TFEC: variants seen among roughly 807,000 people sequenced by gnomAD.
The protein encoded by TFEC is class E basic helix-loop-helix protein 34.
In TFEC, 31 loss-of-function variants were observed where a neutral mutation model predicts 41.6. That is an observed-to-expected ratio of 0.74 (90% confidence interval 0.56 to 1.01). The LOEUF (loss-of-function observed/expected upper bound fraction) is 1.01. TFEC is among the 50% of genes least tolerant of loss of function. The pLI is 0.00. For missense variants in TFEC, 402 were observed against 404.1 expected, an observed-to-expected ratio of 0.99 and a Z score of 0.04; for synonymous variants, 143 against 140.6, an observed-to-expected ratio of 1.02 and a Z score of -0.12.
At chr7:116,106,120 T>C (rs1797711491) in intron 3 of TFEC, among the ~76,000 whole-genome samples, 1 of 152,158 alleles carries the variant, frequency 6.6e-6, no homozygotes, top group Non-Finnish European at 1.5e-5. Flanking sequence ...ACATATGACG[T>C]TGCTTAGAAA....
intron 3 of TFEC, among the ~76,000 whole-genome samples, chr7:116,060,324 A>C (rs553860898): frequency 6.6e-6 from 1 of 151,216 alleles, no homozygotes; most frequent in East Asian, 1.9e-4. Context: ...AAGGACTAAA[A>C]GCAGAACTAC....
At chr7:116,109,732 C>T (rs1189285291) in intron 3 of TFEC, among the ~76,000 whole-genome samples, 1 of 152,136 alleles carries the variant, frequency 6.6e-6, no homozygotes, top group Non-Finnish European at 1.5e-5. Context: ...TGGGTATATA[C>T]CCAAAGGATT....
At chr7:116,158,974 TAAGC>T (rs1798922881) in intron 1 of TFEC, among the ~76,000 whole-genome samples, 1 of 151,986 alleles carries the variant, frequency 6.6e-6, no homozygotes, top group Admixed American at 6.6e-5. Context: ...TTGTCATGCT[TAAGC>T]AATAATGAAA....
intron 1 of TFEC, among the ~76,000 whole-genome samples, chr7:116,006,444 G>A (rs1794792862): frequency 6.6e-6 from 1 of 152,142 alleles, no homozygotes; most frequent in African/African-American, 2.4e-5. Flanking sequence ...TTTAAGATTT[G>A]ACTGCCCTGC....
At chr7:116,016,684 A>C (rs182652636) in intron 1 of TFEC, among the ~76,000 whole-genome samples, 3 of 151,928 alleles carry the variant, frequency 2.0e-5, no homozygotes, top group African/African-American at 7.2e-5. Flanking sequence ...TACGTAGTAT[A>C]TATAATATAT....
chr7:116,112,302 G>A (rs117969441), intron 1 of TFEC, among the ~76,000 whole-genome samples: 1,674 of 152,052 alleles, frequency 0.011, 7 homozygotes, highest in Middle Eastern at 0.017. Context: ...TTATTTCAAA[G>A]TAGGGTAAGA....
intron 1 of TFEC, among the ~76,000 whole-genome samples, chr7:116,153,073 G>T (rs1449160397): frequency 6.6e-6 from 1 of 152,120 alleles, no homozygotes; most frequent in Non-Finnish European, 1.5e-5. Context: ...AGTTATAGAG[G>T]AAGAAAGTAC....
chr7:116,135,796 G>C (rs1277949873), intron 1 of TFEC, among the ~76,000 whole-genome samples: 2 of 152,038 alleles, frequency 1.3e-5, no homozygotes, highest in Non-Finnish European at 2.9e-5. Context: ...CATAAAAGCA[G>C]AGATGAGGGC....
At chr7:116,068,058 A>T (rs948128334) in intron 3 of TFEC, among the ~76,000 whole-genome samples, 9 of 151,872 alleles carry the variant, frequency 5.9e-5, no homozygotes, top group African/African-American at 2.2e-4. Context: ...CCATTTGGGA[A>T]TTTTTTTCTT....
intron 3 of TFEC, among the ~76,000 whole-genome samples, chr7:116,081,217 GA>G (rs1797082226): frequency 6.6e-6 from 1 of 151,780 alleles, no homozygotes; most frequent in African/African-American, 2.4e-5. Flanking sequence ...GAACTCTGGG[GA>G]AAAGGTGGGA....
At chr7:116,047,660 C>A (rs965020554) in intron 3 of TFEC, among the ~76,000 whole-genome samples, 1 of 152,164 alleles carries the variant, frequency 6.6e-6, no homozygotes, top group African/African-American at 2.4e-5. Flanking sequence ...TAGTGGTTCT[C>A]CCAGCACAGA....
chr7:116,109,884 A>G (rs1477604616), intron 3 of TFEC, among the ~76,000 whole-genome samples: 1 of 152,234 alleles, frequency 6.6e-6, no homozygotes, highest in Non-Finnish European at 1.5e-5. Flanking sequence ...ACCATGGAAT[A>G]CTATGCAGCC....
At chr7:115,954,543 AT>A (rs1408733666) in intron 5 of TFEC, 42 bp downstream of exon 5, 1 of 1,554,996 alleles carries the variant, frequency 6.4e-7, no homozygotes, top group African/African-American at 1.4e-5. Context: ...ACCTCTATGC[AT>A]TTCCTTTTGC....
chr7:116,008,666 T>A (rs1236891334), intron 1 of TFEC, among the ~76,000 whole-genome samples: 1 of 152,168 alleles, frequency 6.6e-6, no homozygotes, highest in African/African-American at 2.4e-5. Context: ...AATAACTCAT[T>A]TCTTCAAATC....
At chr7:116,146,080 A>G (rs1407749358) in intron 1 of TFEC, among the ~76,000 whole-genome samples, 1 of 152,204 alleles carries the variant, frequency 6.6e-6, no homozygotes, top group Non-Finnish European at 1.5e-5. Flanking sequence ...AGTACAGTAT[A>G]CCCAATAATG....
intron 3 of TFEC, among the ~76,000 whole-genome samples, chr7:116,079,227 T>C (rs1014602597): frequency 6.6e-6 from 1 of 151,968 alleles, no homozygotes; most frequent in Non-Finnish European, 1.5e-5. Flanking sequence ...AACACACTAC[T>C]GAATGGGAAA....
chr7:116,116,214 G>A (rs1312631472), intron 1 of TFEC, among the ~76,000 whole-genome samples: 1 of 151,858 alleles, frequency 6.6e-6, no homozygotes, highest in Non-Finnish European at 1.5e-5. Flanking sequence ...TGGAAAAGAA[G>A]AATAAAAATG....
chr7:116,062,253 T>C (rs1796578763), intron 3 of TFEC, among the ~76,000 whole-genome samples: 1 of 114,370 alleles, frequency 8.7e-6, no homozygotes, highest in Non-Finnish European at 2.0e-5. Context: ...TTTTTTTTTT[T>C]TGTATTTTTA....
intron 3 of TFEC, among the ~76,000 whole-genome samples, chr7:116,059,779 A>T (rs1450002387): frequency 1.3e-5 from 2 of 152,078 alleles, no homozygotes; most frequent in Admixed American, 6.6e-5. Context: ...TTGACAAAAT[A>T]CAGCACCATT....
Sources: gnomAD v4.1 joint callset for allele counts (sites outside exome capture counted in the v4.1 genomes callset) on GRCh38, gnomAD v4.1.1 for gene constraint, MANE v1.5 for transcripts, NCBI Gene and HGNC (gene_info 2026-07-23, HGNC 2026-07-21) for gene names.